Variants in ZCCHC14 observed in about 807,000 individuals in gnomAD.
ZCCHC14 encodes the protein zinc finger CCHC-type containing 14.
A neutral mutation model predicts 85.0 loss-of-function variants in ZCCHC14; 16 were observed. The ratio of observed to expected loss-of-function variants is 0.19; its 90% CI spans 0.13 to 0.29. The LOEUF is 0.29. Among genes scored for constraint, ZCCHC14 ranks in the 10% least tolerant of loss-of-function variants. The pLI is 1.00. For missense variants in ZCCHC14, 1,303 were observed against 1,443.5 expected (o/e 0.90, Z 1.58); for synonymous variants, 775 against 630.7 (o/e 1.23, Z -3.43).
intron 2 of ZCCHC14, among the ~76,000 whole-genome samples, chr16:87,441,026 T>TA (rs1313117291): frequency 4.7e-5 from 7 of 148,644 alleles, no homozygotes; most frequent in African/African-American, 7.4e-5. Flanking sequence ...TTTTTGGAGA[T>TA]AGAGTTTCGC....
At chr16:87,485,628 A>T (rs1912482063) in intron 1 of ZCCHC14, among the ~76,000 whole-genome samples, 2 of 151,726 alleles carry the variant, frequency 1.3e-5, no homozygotes, top group Admixed American at 1.3e-4. Flanking sequence ...CTTTTTCTAA[A>T]ATCTAATCCC....
At chr16:87,417,398 C>T in intron 8 of ZCCHC14, 62 bp downstream of exon 8, 1 of 1,578,652 alleles carries the variant, frequency 6.3e-7, no homozygotes, top group South Asian at 1.2e-5. Flanking sequence ...CTCAATGCCC[C>T]CAGGGAGGTC....
chr16:87,464,785 G>C (rs1911443040), intron 1 of ZCCHC14, among the ~76,000 whole-genome samples: 1 of 152,138 alleles, frequency 6.6e-6, no homozygotes, highest in Non-Finnish European at 1.5e-5. Flanking sequence ...GTGTTTCCCA[G>C]AAATGCTGTT....
chr16:87,459,413 C>A (rs1176390307), intron 2 of ZCCHC14, among the ~76,000 whole-genome samples: 1 of 151,572 alleles, frequency 6.6e-6, no homozygotes, highest in Non-Finnish European at 1.5e-5. Flanking sequence ...GGCACGATCT[C>A]GGCTCACTGC....
At chr16:87,418,705 C>A (rs1021126728) in intron 7 of ZCCHC14, 142 bp downstream of exon 7, 34 of 875,470 alleles carry the variant, frequency 3.9e-5, no homozygotes, top group African/African-American at 2.2e-4. Flanking sequence ...TAAATTCAAT[C>A]ATCTCTACTC....
At chr16:87,438,249 C>T (rs1025949004) in intron 2 of ZCCHC14, among the ~76,000 whole-genome samples, 6 of 152,272 alleles carry the variant, frequency 3.9e-5, no homozygotes, top group East Asian at 1.9e-4. Context: ...ACGGCGTGCA[C>T]GGGGGCTGGA....
chr16:87,455,076 G>A (rs780583414), intron 2 of ZCCHC14, among the ~76,000 whole-genome samples: 1 of 152,170 alleles, frequency 6.6e-6, no homozygotes, highest in Non-Finnish European at 1.5e-5. Context: ...ATCACCTGAG[G>A]TCGGGAATTC....
At chr16:87,422,421 G>C (rs962649972) in intron 4 of ZCCHC14, among the ~76,000 whole-genome samples, 4 of 152,036 alleles carry the variant, frequency 2.6e-5, no homozygotes, top group African/African-American at 7.2e-5. Flanking sequence ...AGGAGAAAAT[G>C]GATAAGAATT....
intron 1 of ZCCHC14, chr16:87,467,796 C>T (rs1911596265): frequency 8.4e-6 from 4 of 473,796 alleles, no homozygotes; most frequent in South Asian, 4.2e-5. Flanking sequence ...GGACTACAGG[C>T]GCGCACCACC....
At chr16:87,483,950 T>C (rs1351978821) in intron 1 of ZCCHC14, among the ~76,000 whole-genome samples, 1 of 152,238 alleles carries the variant, frequency 6.6e-6, no homozygotes, top group Non-Finnish European at 1.5e-5. Flanking sequence ...ATGTTATCTA[T>C]AGGGCCTGAT....
intron 1 of ZCCHC14, among the ~76,000 whole-genome samples, chr16:87,469,648 T>C (rs1911690134): frequency 7.2e-5 from 11 of 152,192 alleles, no homozygotes; most frequent in Admixed American, 7.2e-4. Flanking sequence ...TTAGTTGCTG[T>C]TATTATTGTG....
intron 1 of ZCCHC14, among the ~76,000 whole-genome samples, chr16:87,475,730 GAAAGGAAAACAATCAAAC>G (rs141164420): frequency 0.028 from 4,240 of 152,174 alleles, 216 homozygotes; most frequent in African/African-American, 0.098. Context: ...AAAAAGATCT[GAAAGGAAAACAATCAAAC>G]AAAGCTTCAG....
At position 87,412,225 on chromosome 16, in the gene ZCCHC14, G is replaced by A; in HGVS notation, c.2496C>T (p.Pro832=). The part of the protein sequence containing the change: ...FSAMSSMPVG[P]LQGGFCANSN... ...TGTTTGCACAGAAGCCACCCTGCAGGGGGCCCACTGGCATACTGCTCATTG... is the reference window on the plus strand; with the variant it reads ...TGTTTGCACAGAAGCCACCCTGCAGAGGGCCCACTGGCATACTGCTCATTG... The change falls in exon 12 of 13, where the codon CCC becomes CCT. Residue 832 remains proline, a synonymous_variant. Coordinates refer to ENST00000671377, the MANE Select transcript of ZCCHC14 (RefSeq NM_015144.3). The A allele has an allele frequency of 6.2e-7, 1 of 1,612,518 alleles. No homozygotes were observed. Among genetic ancestry groups the A allele is most frequent in the Non-Finnish European group, 8.5e-7 (1 of 1,178,780 alleles).
intron 11 of ZCCHC14, 25 bp from the exon 12 acceptor site, chr16:87,413,001 A>G (rs781479327): frequency 2.5e-6 from 4 of 1,614,036 alleles, no homozygotes; most frequent in Non-Finnish European, 3.4e-6. Flanking sequence ...AAGAGTGGTC[A>G]GTGCCATTCC....
In ZCCHC14 at chr16:87,434,351, C is replaced by T. The variant is rs954455293; in HGVS notation, c.695-1150G>A. On this transcript the variant is annotated intron_variant, in intron 2 of 12. Transcript: ENST00000671377. The stretch of plus-strand genomic sequence containing the variant: ...GAAGTTTCTCACTGCCCAACACACC[C>T]GGCTCTGCCAGCTTCCACACTTCCC... Among the ~76,000 whole-genome samples the T allele has an allele frequency of 9.2e-5, 14 of 152,342 alleles. No individual in the cohort carries two copies. In the East Asian group the frequency reaches 1.7e-3, roughly 19 times the overall value.
At chr16:87,444,925 A>C (rs1326269017) in intron 2 of ZCCHC14, among the ~76,000 whole-genome samples, 1 of 152,158 alleles carries the variant, frequency 6.6e-6, no homozygotes, top group African/African-American at 2.4e-5. Context: ...TGATGGCAGT[A>C]CTTATTGTTT....
At position 87,492,911 on chromosome 16, in the gene ZCCHC14, GCGGCGGCGGCGACGGCGA is replaced by G. The variant is rs1189835328; in HGVS notation, c.-691_-674del. Among the ~76,000 whole-genome samples, 8 of 142,066 alleles carry G rather than the reference GCGGCGGCGGCGACGGCGA, an allele frequency of 5.6e-5. No homozygotes were observed. In the East Asian group the frequency reaches 9.1e-4, roughly 16 times the overall value. 93.2% of individuals were successfully genotyped at this position (142,066 alleles called of 152,430 possible). A position where few individuals can be genotyped will look rare whatever the true frequency, so the allele number is the denominator to read the frequency against. ...GCGGACGGATCCGGGCCCGAGCGCG[GCGGCGGCGGCGACGGCGA>G]CGGCGACGGCGACGGCGACGGCGGA... On this transcript the variant is annotated 5_prime_UTR_variant, in exon 1 of 13. Transcript: ENST00000671377. The surrounding 1 kb of genome is among the most constrained non-coding windows in gnomAD (Gnocchi z 6.7).
chr16:87,492,342 G>C lies in ZCCHC14; in HGVS notation c.-104C>G. ...GGGCGCGCCGGGACCGGGGACGCGC[G>C]GGCCGGGGCCGGGTCCGGGCGAGGG... is the stretch of plus-strand genomic sequence containing the variant. On this transcript the variant is annotated 5_prime_UTR_variant, in exon 1 of 13. Transcript: ENST00000671377. The surrounding 1 kb of genome is among the most constrained non-coding windows in gnomAD (Gnocchi z 6.7). The C allele has an allele frequency of 3.8e-6, 1 of 265,206 alleles. No individual in the cohort carries two copies. The highest frequency in any genetic ancestry group is 5.7e-6 in the Non-Finnish European group (1 of 175,856). 16.4% of individuals were successfully genotyped at this position (265,206 alleles called of 1,614,324 possible).
chr16:87,457,645 G>A lies in ZCCHC14; in HGVS notation c.694+2363C>T, dbSNP rs373454266. 3.7e-4 allele frequency among the ~76,000 whole-genome samples: 56 copies of A among 152,302 alleles called. 1 individual carries two copies. The South Asian group carries it at 0.011, about 30-fold the overall frequency. ...ACTCTATAAATTAAACTGTATCACT[G>A]TAAGACTTCTGAAGAAGCAGAGAAA... is the stretch of plus-strand genomic sequence containing the variant. On this transcript the variant is annotated intron_variant, in intron 2 of 12. Transcript: ENST00000671377.
Sources: allele counts gnomAD v4.1 joint callset (sites outside exome capture counted in the v4.1 genomes callset), GRCh38; gene constraint gnomAD v4.1.1; non-coding constraint Gnocchi (gnomAD v3.1); transcripts MANE v1.5; gene names NCBI Gene and HGNC (gene_info 2026-07-23, HGNC 2026-07-21).